Variants in RAB33A observed in about 807,000 individuals in gnomAD.
RAB33A encodes the protein ras-related protein Rab-33A.
RAB33A carries 6 observed loss-of-function variants against 12.0 expected under a neutral mutation model. That is an observed-to-expected ratio of 0.50 (90% CI 0.27 to 0.99). RAB33A has a LOEUF of 0.99. RAB33A is among the 50% of genes least tolerant of loss of function. The probability of loss-of-function intolerance (pLI) is 0.11; values close to 1 mark genes in which losing one functional copy is unlikely to be tolerated. For synonymous variants in RAB33A, 70 were observed against 82.4 expected (o/e 0.85, Z 0.81); for missense variants, 109 against 192.0 (o/e 0.57, Z 2.55).
At chrX:130,165,966 C>T in the RAB33A span, 2 of 344,855 alleles carry the variant, frequency 5.8e-6, no homozygotes, top group Non-Finnish European at 1.0e-5. Context: ...CTCTAGGTAG[C>T]CGGTTTTCGC....
chrX:130,158,241 G>A, the RAB33A span, among the ~76,000 whole-genome samples: 1 of 110,860 alleles, frequency 9.0e-6, no homozygotes, highest in Non-Finnish European at 1.9e-5. Flanking sequence ...TCCAGACTGG[G>A]CAACGAGAGC....
At chrX:130,175,355 G>A (rs922536054) in intron 1 of RAB33A, among the ~76,000 whole-genome samples, 3 of 111,205 alleles carry the variant, frequency 2.7e-5, no homozygotes, top group African/African-American at 9.8e-5. Flanking sequence ...TTTGACAGGG[G>A]GAGATAGAAT....
At chrX:130,161,778 T>C in the RAB33A span, among the ~76,000 whole-genome samples, 2 of 110,002 alleles carry the variant, frequency 1.8e-5, no homozygotes, top group Non-Finnish European at 3.8e-5. Context: ...TGGCTAATTT[T>C]TGATTTTTAG....
chrX:130,155,101 G>C, the RAB33A span: 1 of 1,189,314 alleles, frequency 8.4e-7, no homozygotes, highest in South Asian at 1.8e-5. Context: ...GTTTTCATTA[G>C]TGCCATGGGC....
the RAB33A span, among the ~76,000 whole-genome samples, chrX:130,113,953 G>A: frequency 8.9e-6 from 1 of 112,019 alleles, no homozygotes; most frequent in Non-Finnish European, 1.9e-5. Context: ...GCAGTGTCTG[G>A]TGCCCAGTAA....
At chrX:130,153,324 G>A in the RAB33A span, among the ~76,000 whole-genome samples, 1 of 90,919 alleles carries the variant, frequency 1.1e-5, no homozygotes, top group African/African-American at 4.3e-5. Context: ...CTGCACTCCA[G>A]CCTGGGCGAC....
the RAB33A span, among the ~76,000 whole-genome samples, chrX:130,116,512 T>A: frequency 7.2e-5 from 8 of 111,440 alleles, no homozygotes; most frequent in African/African-American, 2.6e-4. Context: ...CAGGCTGGTA[T>A]CGAACTCCTG....
chrX:130,174,028 G>A (rs889586352), intron 1 of RAB33A, among the ~76,000 whole-genome samples: 1 of 112,121 alleles, frequency 8.9e-6, no homozygotes, highest in African/African-American at 3.2e-5. Flanking sequence ...GAAGGAGGGA[G>A]GAAGAAGCTA....
At chrX:130,139,915 G>C in the RAB33A span, 1 of 1,097,552 alleles carries the variant, frequency 9.1e-7, no homozygotes, top group Non-Finnish European at 1.3e-6. Context: ...ACAAGCAGGA[G>C]CCAGCCCAAA....
the RAB33A span, among the ~76,000 whole-genome samples, chrX:130,140,982 G>C: frequency 8.9e-6 from 1 of 112,187 alleles, no homozygotes; most frequent in South Asian, 3.7e-4. Context: ...CAGGTGTGGC[G>C]GCATATGCCT....
intron 1 of RAB33A, among the ~76,000 whole-genome samples, chrX:130,174,726 C>T: frequency 9.0e-6 from 1 of 111,496 alleles, no homozygotes; most frequent in Non-Finnish European, 1.9e-5. Flanking sequence ...TCAGCCAGCT[C>T]TTCTCAGTCT....
At chrX:130,160,582 A>C in the RAB33A span, among the ~76,000 whole-genome samples, 1 of 112,127 alleles carries the variant, frequency 8.9e-6, no homozygotes, top group African/African-American at 3.2e-5. Flanking sequence ...CATTCTTATT[A>C]CTATTAAAAT....
the RAB33A span, among the ~76,000 whole-genome samples, chrX:130,161,513 G>GAA: frequency 1.5e-4 from 9 of 60,915 alleles, no homozygotes; most frequent in Admixed American, 2.1e-4. Flanking sequence ...TCTGTTTGAA[G>GAA]AAAAAAAAAA....
chrX:130,128,126 A>G, the RAB33A span, among the ~76,000 whole-genome samples: 1 of 111,683 alleles, frequency 9.0e-6, no homozygotes, highest in African/African-American at 3.3e-5. Context: ...CTGTTCTCCC[A>G]GTGTTCAGAA....
chrX:130,163,042 C>T, the RAB33A span, among the ~76,000 whole-genome samples: 1 of 111,287 alleles, frequency 9.0e-6, no homozygotes, highest in African/African-American at 3.3e-5. Flanking sequence ...GAGATAGTTG[C>T]AAGGCAGGTT....
the RAB33A span, among the ~76,000 whole-genome samples, chrX:130,143,989 A>C: frequency 0.028 from 3,142 of 111,949 alleles, 99 homozygotes; most frequent in African/African-American, 0.092. Context: ...ATGTGAGTTT[A>C]GGCAAATTAT....
chrX:130,136,928 T>C, the RAB33A span: 1 of 1,117,486 alleles, frequency 8.9e-7, no homozygotes, highest in Non-Finnish European at 1.2e-6. Context: ...TCAGAACACC[T>C]AGATGAACTT....
upstream of RAB33A, chrX:130,171,506 C>T (rs1022334399): frequency 5.2e-5 from 6 of 115,727 alleles, no homozygotes; most frequent in Admixed American, 1.8e-4. Context: ...GCTCCCTGCC[C>T]GCTGACCCCG....
chrX:130,161,796 G>A, the RAB33A span, among the ~76,000 whole-genome samples: 2 of 109,872 alleles, frequency 1.8e-5, no homozygotes, highest in African/African-American at 3.3e-5. Flanking sequence ...TAGTAGAGAC[G>A]GGGTTTCTCC....
Sources: allele counts gnomAD v4.1 joint callset (sites outside exome capture counted in the v4.1 genomes callset), GRCh38; gene constraint gnomAD v4.1.1; transcripts MANE v1.5; gene names NCBI Gene and HGNC (gene_info 2026-07-23, HGNC 2026-07-21).